NDRG2: variants seen among roughly 807,000 people sequenced by gnomAD.
NDRG2 encodes the protein protein NDRG2.
A neutral mutation model predicts 58.2 loss-of-function variants in NDRG2; 34 were observed. The ratio of observed to expected loss-of-function variants is 0.58; its 90% CI spans 0.44 to 0.78. The LOEUF is 0.78. NDRG2 is among the 30% of genes least tolerant of loss of function. The pLI is 0.00. For missense variants in NDRG2, 434 were observed against 471.2 expected (o/e 0.92, Z 0.73); for synonymous variants, 187 against 175.9 (o/e 1.06, Z -0.50).
upstream of NDRG2, among the ~76,000 whole-genome samples, chr14:21,029,663 G>A (rs2139069220): frequency 6.6e-6 from 1 of 152,234 alleles, no homozygotes; most frequent in South Asian, 2.1e-4. Flanking sequence ...TAGGAGATGG[G>A]GCATTTTGGG....
intron 1 of NDRG2, among the ~76,000 whole-genome samples, chr14:21,053,484 A>G (rs2139140256): frequency 6.6e-6 from 1 of 152,212 alleles, no homozygotes; most frequent in African/African-American, 2.4e-5. Flanking sequence ...AAAATTAGCC[A>G]GGCGCGGCAG....
intron 1 of NDRG2, chr14:21,043,687 G>C (rs1885017950): frequency 3.9e-6 from 2 of 519,188 alleles, no homozygotes; most frequent in African/African-American, 3.9e-5. Flanking sequence ...CCAAGAAACA[G>C]CAAGCTCAGG....
In NDRG2 at chr14:21,021,815, A is replaced by C. The variant is rs1880553671; in HGVS notation, c.407+2T>G. 6.2e-7 allele frequency: 1 copy of C among 1,611,936 alleles called. No individual in the cohort carries two copies. The highest frequency in any genetic ancestry group is 1.3e-5 in the African/African-American group (1 of 74,864). On this transcript the variant is annotated splice_donor_variant, in intron 6 of 15. Transcript: ENST00000556147. LOFTEE classifies it high-confidence loss of function. ...GTTTGGAGGGGTTCCCAGGCCTCTC[A>C]CTTTAGGTACTGCAGGACGCAAGGG...
In NDRG2 at chr14:21,032,967, G is replaced by C. The variant is rs767378309; in HGVS notation, c.25-9646C>G. ...GATGTGGTTTTAGAAATTTATGTTC[G>C]ATTAGAGCCGGGCCTGCCTCATTCG... On this transcript the variant is annotated intron_variant, in intron 1 of 14. Transcript: ENST00000403829. 1.1e-5 allele frequency: 5 copies of C among 455,982 alleles called. No individual in the cohort carries two copies. The East Asian group carries it at 2.1e-4, about 19-fold the overall frequency. 28.2% of individuals were successfully genotyped at this position (455,982 alleles called of 1,614,324 possible). A position where few individuals can be genotyped will look rare whatever the true frequency, so the allele number is the denominator to read the frequency against.
chr14:21,038,273 C>T (rs562834607), intron 1 of NDRG2, among the ~76,000 whole-genome samples: 2 of 152,278 alleles, frequency 1.3e-5, no homozygotes, highest in East Asian at 3.9e-4. Context: ...CAGTTAGGGT[C>T]ACTTATATGC....
chr14:21,019,876 CTG>C, intron 9 of NDRG2, 42 bp downstream of exon 9: 17 of 1,604,324 alleles, frequency 1.1e-5, no homozygotes, highest in Non-Finnish European at 1.4e-5. Context: ...TTCAAGTTCC[CTG>C]CTGCTCCCGT....
At chr14:21,064,945 C>A (rs1052691976) in intron 1 of NDRG2, among the ~76,000 whole-genome samples, 3 of 152,064 alleles carry the variant, frequency 2.0e-5, no homozygotes, top group Non-Finnish European at 4.4e-5. Context: ...CAGAGGCAGG[C>A]AGATCACCTG....
chr14:21,038,059 A>G (rs1884730838), intron 1 of NDRG2, among the ~76,000 whole-genome samples: 1 of 152,172 alleles, frequency 6.6e-6, no homozygotes, highest in African/African-American at 2.4e-5. Context: ...TGTGTCATGG[A>G]CAGTTCCTGG....
upstream of NDRG2, chr14:21,030,738 G>A (rs534770611): frequency 7.6e-5 from 122 of 1,614,036 alleles, 1 homozygote; most frequent in South Asian, 1.0e-3. Context: ...CGTGGACATC[G>A]TGTTCAGCAA....
intron 1 of NDRG2, chr14:21,033,445 G>GGT: frequency 9.7e-6 from 3 of 308,290 alleles, no homozygotes; most frequent in Non-Finnish European, 1.8e-5. Flanking sequence ...GAGACTCGGA[G>GGT]CTGGTGCCTG....
chr14:21,023,324 G>A lies in NDRG2; in HGVS notation c.-6-3C>T, dbSNP rs1881829932. On this transcript the variant is annotated splice_region_variant and splice_polypyrimidine_tract_variant and intron_variant, in intron 1 of 15. Coordinates refer to ENST00000556147, the MANE Select transcript of NDRG2 (RefSeq NM_001320329.2). ...TCCTGCAGCTCCGCCATGGTGGCCTGGCAGGATGAGGAAATGAGACTGGGA... is the reference window on the plus strand; with the variant it reads ...TCCTGCAGCTCCGCCATGGTGGCCTAGCAGGATGAGGAAATGAGACTGGGA... 5.0e-6 allele frequency: 8 copies of A among 1,611,964 alleles called. No homozygotes were observed. Among genetic ancestry groups the A allele is most frequent in the Non-Finnish European group, 6.8e-6 (8 of 1,179,008 alleles).
intron 3 of NDRG2, 76 bp from the exon 4 acceptor site, chr14:21,022,573 A>G: frequency 9.1e-7 from 1 of 1,096,172 alleles, no homozygotes; most frequent in Non-Finnish European, 1.4e-6. Context: ...AAGGTCAGGG[A>G]GCTGGGAGTG....
intron 1 of NDRG2, chr14:21,033,772 G>C: frequency 8.1e-7 from 1 of 1,230,198 alleles, no homozygotes; most frequent in Non-Finnish European, 1.2e-6. Context: ...GTTGGAAATG[G>C]AGACAGCTGG....
chr14:21,024,890 C>G lies in NDRG2; in HGVS notation c.-867G>C. ...AGCTCTTGGAGCCTCAGCCTTTGTG[C>G]GCAGCAACCGAGCGCCCGCTCCGTG... On this transcript the variant is annotated 5_prime_UTR_variant, in exon 1 of 16. Coordinates refer to ENST00000556147, the MANE Select transcript of NDRG2 (RefSeq NM_001320329.2). The G allele has an allele frequency of 1.0e-6, 1 of 985,592 alleles. No homozygotes were observed. The highest frequency in any genetic ancestry group is 1.2e-6 in the Non-Finnish European group (1 of 830,032). The allele number at this position is 985,592 out of a possible 1,614,324, so 61.1% of individuals were successfully genotyped here.
Position 21,024,495 on chromosome 14 carries a change from T to C in NDRG2, c.-472A>G, listed in dbSNP as rs1046325965. ...GGGGAATAGGGGATCCCCAAAATTTTTGACAGCTCTCCAGTAAGAGGAGGG... is the reference window on the plus strand; with the variant it reads ...GGGGAATAGGGGATCCCCAAAATTTCTGACAGCTCTCCAGTAAGAGGAGGG... On this transcript the variant is annotated 5_prime_UTR_variant, in exon 1 of 16. Transcript: ENST00000556147. 2.1e-5 allele frequency: 21 copies of C among 984,576 alleles called. No individual in the cohort carries two copies. The African/African-American group carries it at 2.6e-4, about 12-fold the overall frequency. 61.0% of individuals were successfully genotyped at this position (984,576 alleles called of 1,614,324 possible).
In NDRG2 at chr14:21,019,966, A is replaced by G. The variant is rs1879179851; in HGVS notation, c.566T>C (p.Leu189Pro). Residue 189 changes from leucine (L) to proline (P), a missense_variant, in exon 9 of 16, where the codon CTC (leucine) becomes CCC (proline). Leu to Pro is a moderately conservative substitution (Grantham distance 98, BLOSUM62 -3). Transcript: ENST00000556147. ...MDWAAHKLTG[L>P]TSSIPEMILG... ...GATCATCTCCGGAATGGAAGAGGTG[A>G]GGCCTGTTAGCTATGAGGAGAAGGC... 6.2e-7 allele frequency: 1 copy of G among 1,613,676 alleles called. No individual in the cohort carries two copies. Among genetic ancestry groups the G allele is most frequent in the South Asian group, 1.1e-5 (1 of 91,054 alleles).
chr14:21,057,618 C>CATATATATATAT (rs57420807), intron 1 of NDRG2, among the ~76,000 whole-genome samples: 2,234 of 122,846 alleles, frequency 0.018, 100 homozygotes, highest in African/African-American at 0.032. Flanking sequence ...TCATTTTATT[C>CATATATATATAT]ATATATATAT....
chr14:21,026,468 C>T (rs1464267796), upstream of NDRG2, among the ~76,000 whole-genome samples: 1 of 150,480 alleles, frequency 6.6e-6, no homozygotes, highest in African/African-American at 2.5e-5. Flanking sequence ...CCCCAAGACC[C>T]CCAAGTTTCC....
At chr14:21,030,632 A>G, upstream of NDRG2, 1 of 1,614,098 alleles carries the variant, frequency 6.2e-7, no homozygotes, top group Non-Finnish European at 8.5e-7. Flanking sequence ...CGTTTGGAGA[A>G]TCATCAAGCA....
Sources: allele counts gnomAD v4.1 joint callset (sites outside exome capture counted in the v4.1 genomes callset), GRCh38; gene constraint gnomAD v4.1.1; transcripts MANE v1.5; gene names NCBI Gene and HGNC (gene_info 2026-07-23, HGNC 2026-07-21).